Variants in GPHN observed in about 807,000 individuals in gnomAD.
GPHN encodes gephyrin.
In GPHN, 17 loss-of-function variants were observed where a neutral mutation model predicts 95.5. The observed-to-expected ratio is 0.18, with a 90% CI of 0.12 to 0.27. GPHN has a LOEUF of 0.27. Ranked by LOEUF, GPHN falls within the 10% of genes least tolerant of loss-of-function variation. GPHN has a pLI of 1.00. For missense variants in GPHN, 660 were observed against 978.1 expected, an observed-to-expected ratio of 0.67 and a Z score of 4.34; for synonymous variants, 320 against 322.5, an observed-to-expected ratio of 0.99 and a Z score of 0.08.
At chr14:67,535,290 G>A in the GPHN span, among the ~76,000 whole-genome samples, 1 of 144,320 alleles carries the variant, frequency 6.9e-6, no homozygotes, top group Admixed American at 7.0e-5. Flanking sequence ...ATACCCTTTT[G>A]TTCAATGTTC....
At chr14:66,574,454 G>A (rs1379781285) in intron 1 of GPHN, among the ~76,000 whole-genome samples, 1 of 152,098 alleles carries the variant, frequency 6.6e-6, no homozygotes, top group African/African-American at 2.4e-5. Context: ...TAGTATTAGA[G>A]TGTTCTCTAT....
chr14:66,574,745 C>A (rs953819277), intron 1 of GPHN, among the ~76,000 whole-genome samples: 2 of 152,184 alleles, frequency 1.3e-5, no homozygotes, highest in Non-Finnish European at 2.9e-5. Context: ...AGGCATCATC[C>A]TATCGACCAT....
the GPHN span, chr14:67,225,255 A>G: frequency 2.3e-4 from 351 of 1,512,652 alleles, 3 homozygotes; most frequent in South Asian, 3.0e-3. Flanking sequence ...AACATGTAAG[A>G]CAAACTAAAG....
At chr14:67,626,523 C>CT in the GPHN span, among the ~76,000 whole-genome samples, 15 of 149,914 alleles carry the variant, frequency 1.0e-4, no homozygotes, top group South Asian at 2.1e-4. Context: ...TTCACACAAA[C>CT]TTTTTTTTTT....
chr14:66,728,606 C>T (rs2071470972), intron 2 of GPHN, among the ~76,000 whole-genome samples: 1 of 152,214 alleles, frequency 6.6e-6, no homozygotes, highest in East Asian at 1.9e-4. Context: ...GCCTTGCTGG[C>T]TTTCAGACTT....
chr14:67,265,855 T>TC, the GPHN span, among the ~76,000 whole-genome samples: 1 of 132,168 alleles, frequency 7.6e-6, no homozygotes, highest in African/African-American at 2.8e-5. Context: ...AGACTCCATC[T>TC]CAAAAAAAAA....
chr14:67,024,520 C>T (rs530794371), intron 10 of GPHN, among the ~76,000 whole-genome samples: 79 of 152,270 alleles, frequency 5.2e-4, no homozygotes, highest in African/African-American at 1.7e-3. Flanking sequence ...CTATTTCTAG[C>T]AGTATGTCAG....
chr14:67,350,694 G>A, the GPHN span: 2 of 1,612,480 alleles, frequency 1.2e-6, no homozygotes, highest in Non-Finnish European at 8.5e-7. Context: ...TTTTAGTCTG[G>A]AAAAGCATAA....
chr14:67,712,493 C>CAAAAAAAAAAAAAAAAAAAAA, the GPHN span, among the ~76,000 whole-genome samples: 1 of 38,928 alleles, frequency 2.6e-5, no homozygotes, highest in Non-Finnish European at 7.5e-5. Flanking sequence ...AAAAAACTTG[C>CAAAAAAAAAAAAAAAAAAAAA]AAAAAAAAAA....
At chr14:67,372,148 A>C in the GPHN span, among the ~76,000 whole-genome samples, 1 of 152,218 alleles carries the variant, frequency 6.6e-6, no homozygotes, top group Non-Finnish European at 1.5e-5. Context: ...TAAAAAATTT[A>C]TGTGTGCTTT....
chr14:67,647,229 C>G, the GPHN span: 1 of 470,448 alleles, frequency 2.1e-6, no homozygotes, highest in South Asian at 4.0e-5. Context: ...AAATCATTGC[C>G]TAGATCTTCT....
At chr14:66,936,824 A>G (rs998039092) in intron 8 of GPHN, among the ~76,000 whole-genome samples, 1 of 152,244 alleles carries the variant, frequency 6.6e-6, no homozygotes, top group African/African-American at 2.4e-5. Flanking sequence ...ATACAGGCCA[A>G]TGAGTAGTTG....
chr14:66,940,127 G>A (rs1031399232), intron 8 of GPHN, among the ~76,000 whole-genome samples: 10 of 151,944 alleles, frequency 6.6e-5, no homozygotes, highest in Non-Finnish European at 1.3e-4. Context: ...TTAAGGTTTG[G>A]GAAATTAACT....
At chr14:66,612,045 ATACT>A (rs1299620403) in intron 1 of GPHN, among the ~76,000 whole-genome samples, 1 of 151,902 alleles carries the variant, frequency 6.6e-6, no homozygotes, top group Non-Finnish European at 1.5e-5. Context: ...TCTTCGCCTA[ATACT>A]TAAACTGTTC....
Position 66,909,120 on chromosome 14 carries a change from G to A in GPHN, c.390-6883G>A, listed in dbSNP as rs149176790. On this transcript the variant is annotated intron_variant, in intron 5 of 22. Transcript: ENST00000478722. ...ATAATAATACAAGATGTTAAATGTA[G>A]GGGAAACATGGTACAGAGAATATGG... Among the ~76,000 whole-genome samples the A allele has an allele frequency of 2.0e-4, 30 of 152,192 alleles. No individual in the cohort carries two copies. The East Asian group carries it at 5.8e-3, about 29-fold the overall frequency.
At chr14:66,626,554 T>A (rs1209571854) in intron 1 of GPHN, among the ~76,000 whole-genome samples, 1 of 152,098 alleles carries the variant, frequency 6.6e-6, no homozygotes, top group Non-Finnish European at 1.5e-5. Context: ...TCCATTTAAA[T>A]AAAAACAGCA....
intron 4 of GPHN, among the ~76,000 whole-genome samples, chr14:66,865,395 T>G (rs1364245087): frequency 6.6e-6 from 1 of 152,028 alleles, no homozygotes; most frequent in African/African-American, 2.4e-5. Context: ...CCAGGAAAAT[T>G]AAAAATTTTT....
chr14:66,996,807 A>G (rs1469307533), intron 9 of GPHN, among the ~76,000 whole-genome samples: 1 of 152,174 alleles, frequency 6.6e-6, no homozygotes, highest in Non-Finnish European at 1.5e-5. Context: ...AATCTAGAAG[A>G]GATTAACAGT....
the GPHN span, among the ~76,000 whole-genome samples, chr14:67,504,882 G>A: frequency 5.9e-5 from 9 of 152,212 alleles, 1 homozygote; most frequent in East Asian, 3.9e-4. Context: ...GCGACACTCC[G>A]TCTCAAACAA....
Sources: allele counts gnomAD v4.1 joint callset (sites outside exome capture counted in the v4.1 genomes callset), GRCh38; gene constraint gnomAD v4.1.1; transcripts MANE v1.5; gene names NCBI Gene and HGNC (gene_info 2026-07-23, HGNC 2026-07-21).